MNAT1: variants seen among roughly 807,000 people sequenced by gnomAD.
MNAT1 encodes the protein CDK-activating kinase assembly factor MAT1.
In MNAT1, 43 loss-of-function variants were observed where a neutral mutation model predicts 42.0. The ratio of observed to expected loss-of-function variants is 1.02; its 90% CI spans 0.80 to 1.32. The LOEUF (loss-of-function observed/expected upper bound fraction) is 1.32, where lower values mean the gene tolerates loss of function less well. MNAT1 is among the 40% of genes most tolerant of loss of function. MNAT1 has a pLI of 0.00. For synonymous variants in MNAT1, 118 were observed against 120.0 expected (o/e 0.98, Z 0.11); for missense variants, 306 against 350.4 (o/e 0.87, Z 1.01).
intron 6 of MNAT1, among the ~76,000 whole-genome samples, chr14:60,869,396 T>C (rs1260237145): frequency 2.6e-5 from 4 of 152,064 alleles, no homozygotes; most frequent in Non-Finnish European, 5.9e-5. Flanking sequence ...GAGCAGCTTT[T>C]TGGTGCCAAG....
At chr14:60,926,869 ACCAACC>A (rs1287224144) in intron 7 of MNAT1, among the ~76,000 whole-genome samples, 2 of 152,070 alleles carry the variant, frequency 1.3e-5, no homozygotes, top group African/African-American at 2.4e-5. Flanking sequence ...CCCCTTGTGA[ACCAACC>A]CCATCCTGAG....
At chr14:60,748,419 T>C (rs913891309) in intron 1 of MNAT1, among the ~76,000 whole-genome samples, 12 of 152,120 alleles carry the variant, frequency 7.9e-5, no homozygotes, top group Non-Finnish European at 1.6e-4. Context: ...TTAGTAGGGA[T>C]GAGGTATCAT....
chr14:60,892,075 T>G (rs1263735684), intron 7 of MNAT1, among the ~76,000 whole-genome samples: 1 of 152,210 alleles, frequency 6.6e-6, no homozygotes, highest in Non-Finnish European at 1.5e-5. Flanking sequence ...AAATATGGCC[T>G]GTCCTGGAAA....
rs184845278 is a variant in MNAT1 at position 60,780,111 on chromosome 14, G to A, written c.90-16106G>A. ...ATTTATCCATCTGAAATCTTTACTC[G>A]AGTGCAGAAATACGGACTCACCTTG... is the stretch of plus-strand genomic sequence containing the variant. On this transcript the variant is annotated intron_variant, in intron 1 of 7. Coordinates refer to ENST00000261245, the MANE Select transcript of MNAT1 (RefSeq NM_002431.4). The A allele has an allele frequency of 1.8e-4, 268 of 1,460,258 alleles. 2 individuals carry two copies. Among genetic ancestry groups the A allele is most frequent in the Non-Finnish European group, 2.1e-5 (22 of 1,039,918 alleles). 90.5% of individuals were successfully genotyped at this position (1,460,258 alleles called of 1,614,324 possible).
At chr14:60,943,614 CT>C (rs1439743421) in intron 7 of MNAT1, among the ~76,000 whole-genome samples, 1 of 32,166 alleles carries the variant, frequency 3.1e-5, no homozygotes, top group Non-Finnish European at 2.5e-4. Context: ...GGATTTGTTT[CT>C]CTTTTTTTTT....
At chr14:60,942,461 A>G (rs1337865088) in intron 7 of MNAT1, among the ~76,000 whole-genome samples, 1 of 102,932 alleles carries the variant, frequency 9.7e-6, no homozygotes. Flanking sequence ...TTTTTTTTGT[A>G]AATTTGGACT....
chr14:60,861,731 C>G lies in MNAT1; in HGVS notation c.688-17983C>G, dbSNP rs546178136. Among the ~76,000 whole-genome samples, 3 of 152,284 alleles carry G rather than the reference C, an allele frequency of 2.0e-5. No individual in the cohort carries two copies. The East Asian group carries it at 5.8e-4, about 29-fold the overall frequency. ...GATAAGCTAGTTTGAACCTGACTTT[C>G]AGGATAGAATACTTTTGAGGTTGTA... is the stretch of plus-strand genomic sequence containing the variant. On this transcript the variant is annotated intron_variant, in intron 6 of 7. Coordinates refer to ENST00000261245, the MANE Select transcript of MNAT1 (RefSeq NM_002431.4).
intron 7 of MNAT1, among the ~76,000 whole-genome samples, chr14:60,904,070 A>C (rs1042796172): frequency 6.6e-6 from 1 of 151,972 alleles, no homozygotes; most frequent in African/African-American, 2.4e-5. Context: ...ATGGGGTTTC[A>C]CCATATTGGC....
At chr14:60,750,038 C>T (rs565701485) in intron 1 of MNAT1, among the ~76,000 whole-genome samples, 1 of 152,020 alleles carries the variant, frequency 6.6e-6, no homozygotes. Context: ...ATTTCTGGGC[C>T]CTACCATAGT....
intron 7 of MNAT1, among the ~76,000 whole-genome samples, chr14:60,942,594 G>A (rs1294864753): frequency 1.3e-5 from 2 of 151,902 alleles, no homozygotes; most frequent in Non-Finnish European, 2.9e-5. Flanking sequence ...GGTTTTCTTT[G>A]ACTTTGTTTA....
chr14:60,816,975 A>G (rs1435565826), intron 5 of MNAT1, among the ~76,000 whole-genome samples: 1 of 152,006 alleles, frequency 6.6e-6, no homozygotes, highest in Non-Finnish European at 1.5e-5. Context: ...AAAACAAGCT[A>G]AAGTCTTGAC....
At chr14:60,832,259 A>G (rs543983792) in intron 6 of MNAT1, among the ~76,000 whole-genome samples, 5 of 152,284 alleles carry the variant, frequency 3.3e-5, no homozygotes, top group African/African-American at 7.2e-5. Flanking sequence ...GCCCATGCCT[A>G]TGTCCTAAAT....
At chr14:60,815,686 C>A (rs1022508491) in intron 5 of MNAT1, among the ~76,000 whole-genome samples, 1 of 152,146 alleles carries the variant, frequency 6.6e-6, no homozygotes, top group South Asian at 2.1e-4. Flanking sequence ...TCTCCCACTT[C>A]CTGTTTTCTT....
In MNAT1 at chr14:60,962,071, T is replaced by C. The variant is rs552598029; in HGVS notation, c.810-6158T>C. On this transcript the variant is annotated intron_variant, in intron 7 of 7. Coordinates refer to ENST00000261245, the MANE Select transcript of MNAT1 (RefSeq NM_002431.4). ...ATATTACTTGCTATTTTTAGATTTT[T>C]TAATGAAACTTTGCCTTACTCTGTC... 7.2e-5 allele frequency among the ~76,000 whole-genome samples: 11 copies of C among 152,326 alleles called. 1 individual carries two copies. Among genetic ancestry groups the C allele is most frequent in the African/African-American group, 2.6e-4 (11 of 41,578 alleles).
Position 60,780,998 on chromosome 14 carries a change from A to G in MNAT1, c.90-15219A>G, listed in dbSNP as rs566895124. Among the ~76,000 whole-genome samples, 151 of 152,358 alleles carry G rather than the reference A, an allele frequency of 9.9e-4. 2 individuals are homozygous for G. The highest frequency in any genetic ancestry group is 1.7e-3 in the Non-Finnish European group (113 of 68,026). On this transcript the variant is annotated intron_variant, in intron 1 of 7. Coordinates refer to ENST00000261245, the MANE Select transcript of MNAT1 (RefSeq NM_002431.4). The stretch of plus-strand genomic sequence containing the variant: ...TTATAAAATACAGCAAAGGAAGTCT[A>G]AATATTCAGAATCTTTGTTAAAGTC...
At chr14:60,937,284 A>G (rs559605270) in intron 7 of MNAT1, among the ~76,000 whole-genome samples, 2 of 152,060 alleles carry the variant, frequency 1.3e-5, no homozygotes, top group East Asian at 1.9e-4. Flanking sequence ...TGGTGTTTTA[A>G]ACATGAAGTC....
At chr14:60,752,201 A>G (rs895676325) in intron 1 of MNAT1, among the ~76,000 whole-genome samples, 3 of 152,138 alleles carry the variant, frequency 2.0e-5, no homozygotes, top group Non-Finnish European at 4.4e-5. Flanking sequence ...TGGATTTGGA[A>G]TAGAAGATAT....
intron 7 of MNAT1, chr14:60,919,237 G>A (rs557614975): frequency 9.8e-5 from 15 of 152,464 alleles, no homozygotes; most frequent in African/African-American, 3.6e-4. Flanking sequence ...CAGCACCTGG[G>A]CTCAGCTCAG....
Position 60,879,800 on chromosome 14 carries a change from A to G in MNAT1, c.774A>G (p.Pro258=), listed in dbSNP as rs1270321787. 2.5e-6 allele frequency: 4 copies of G among 1,613,228 alleles called. No homozygotes were observed. The highest frequency in any genetic ancestry group is 1.1e-5 in the South Asian group (1 of 91,016). ...CACTGCAGATAGAGACATATGGACCACATGTTCCTGAGCTTGAGATGCTAG... is the reference window on the plus strand; with the variant it reads ...CACTGCAGATAGAGACATATGGACCGCATGTTCCTGAGCTTGAGATGCTAG... ...YQPLQIETYG[P]HVPELEMLGR... is the part of the protein sequence containing the mutation. Residue 258 remains proline, a synonymous_variant, in exon 7 of 8, where the codon CCA becomes CCG. Coordinates refer to ENST00000261245, the MANE Select transcript of MNAT1 (RefSeq NM_002431.4).
Sources: gnomAD v4.1 joint callset for allele counts (sites outside exome capture counted in the v4.1 genomes callset) on GRCh38, gnomAD v4.1.1 for gene constraint, MANE v1.5 for transcripts, NCBI Gene and HGNC (gene_info 2026-07-23, HGNC 2026-07-21) for gene names.